KHDRBS2: variants seen among roughly 807,000 people sequenced by gnomAD.
KHDRBS2 encodes KH RNA binding domain containing, signal transduction associated 2.
Under a neutral mutation model 44.3 loss-of-function variants are expected in KHDRBS2, and 26 were observed. The observed-to-expected ratio is 0.59, with a 90% confidence interval of 0.43 to 0.81. The LOEUF (loss-of-function observed/expected upper bound fraction) is 0.81. KHDRBS2 is among the 40% of genes least tolerant of loss of function. The pLI is 0.00. For synonymous variants in KHDRBS2, 194 were observed against 151.1 expected, an observed-to-expected ratio of 1.28 and a Z score of -2.08; for missense variants, 476 against 433.1, an observed-to-expected ratio of 1.10 and a Z score of -0.88.
At chr6:61,728,500 G>C (rs1213607943) in intron 7 of KHDRBS2, among the ~76,000 whole-genome samples, 1 of 152,042 alleles carries the variant, frequency 6.6e-6, no homozygotes, top group East Asian at 1.9e-4. Flanking sequence ...TCACATATTT[G>C]TTTAGAGTTA....
the KHDRBS2 span, among the ~76,000 whole-genome samples, chr6:61,632,063 C>G: frequency 1.3e-5 from 2 of 152,102 alleles, no homozygotes; most frequent in African/African-American, 2.4e-5. Context: ...CACTTACATG[C>G]CCTTTATCCT....
At chr6:62,033,465 G>C (rs1298305492) in intron 3 of KHDRBS2, among the ~76,000 whole-genome samples, 1 of 151,822 alleles carries the variant, frequency 6.6e-6, no homozygotes, top group Non-Finnish European at 1.5e-5. Context: ...AAAGCAGCAA[G>C]ATAAAAGAAA....
At chr6:61,989,242 C>T (rs1158861791) in intron 3 of KHDRBS2, among the ~76,000 whole-genome samples, 1 of 152,114 alleles carries the variant, frequency 6.6e-6, no homozygotes, top group Non-Finnish European at 1.5e-5. Context: ...CCCAAGGGCT[C>T]AGGAAACCAT....
intron 6 of KHDRBS2, among the ~76,000 whole-genome samples, chr6:61,758,206 G>T (rs1408445397): frequency 6.6e-6 from 1 of 152,094 alleles, no homozygotes. Flanking sequence ...TATCTTATTT[G>T]TTTCCTGTCT....
chr6:62,073,662 C>A (rs1438390444), intron 2 of KHDRBS2, among the ~76,000 whole-genome samples: 1 of 149,752 alleles, frequency 6.7e-6, no homozygotes, highest in Admixed American at 6.7e-5. Context: ...GATGTGAGAA[C>A]TTCCTTCTTT....
the KHDRBS2 span, among the ~76,000 whole-genome samples, chr6:61,556,470 C>T: frequency 2.0e-5 from 3 of 152,146 alleles, no homozygotes; most frequent in Non-Finnish European, 4.4e-5. Flanking sequence ...CATTCATTGG[C>T]AAAGACATTC....
chr6:62,036,720 A>G (rs749896595), intron 3 of KHDRBS2, among the ~76,000 whole-genome samples: 2 of 151,998 alleles, frequency 1.3e-5, no homozygotes, highest in African/African-American at 4.8e-5. Flanking sequence ...CTTCATGTTT[A>G]TGTTTTGGGG....
At position 62,176,759 on chromosome 6, in the gene KHDRBS2, C is replaced by T. The variant is rs1296176288; in HGVS notation, c.219+426G>A. ...TTATAATCTAAGAGTCTAATAACCA[C>T]CATGTGACTTTCTTAGATATATTAG... On this transcript the variant is annotated intron_variant, in intron 2 of 8. Transcript: ENST00000281156. Among the ~76,000 whole-genome samples the T allele has an allele frequency of 5.3e-5, 8 of 151,150 alleles. 1 individual carries two copies. The highest frequency in any genetic ancestry group is 1.5e-4 in the African/African-American group (6 of 41,342).
chr6:61,908,743 C>T (rs886065705), intron 4 of KHDRBS2, among the ~76,000 whole-genome samples: 11 of 151,892 alleles, frequency 7.2e-5, no homozygotes, highest in Non-Finnish European at 1.3e-4. Context: ...TAGGCCTACC[C>T]GTATTATGAA....
rs576993429 is a variant in KHDRBS2 at position 62,060,634 on chromosome 6, T to C, written c.220-12640A>G. 2.9e-5 allele frequency among the ~76,000 whole-genome samples: 4 copies of C among 136,542 alleles called. No individual in the cohort carries two copies. In the East Asian group the frequency reaches 6.1e-4, roughly 21 times the overall value. 89.6% of individuals were successfully genotyped at this position (136,542 alleles called of 152,430 possible). On this transcript the variant is annotated intron_variant, in intron 2 of 8. Coordinates refer to ENST00000281156, the MANE Select transcript of KHDRBS2 (RefSeq NM_152688.4). ...GTCTCTCTCTCTCTCTCTCTCTCTC[T>C]ATATATATATATATGAACTAAAACA...
In KHDRBS2 at chr6:61,848,481, A is replaced by ACG. The variant is rs1204542294; in HGVS notation, c.810+46153_810+46154insCG. 2.1e-3 allele frequency among the ~76,000 whole-genome samples: 109 copies of ACG among 52,124 alleles called. 4 individuals carry two copies. Among genetic ancestry groups the ACG allele is most frequent in the African/African-American group, 0.012 (96 of 7,808 alleles). The allele number at this position is 52,124 out of a possible 152,430, so 34.2% of individuals were successfully genotyped here. On this transcript the variant is annotated intron_variant, in intron 6 of 8. Transcript: ENST00000281156. ...AGAAATGGAGGTTTTATATATATAT[A>ACG]TATATATATGTATATATATATATAT...
intron 2 of KHDRBS2, among the ~76,000 whole-genome samples, chr6:62,156,417 C>A (rs545637452): frequency 6.6e-6 from 1 of 152,000 alleles, no homozygotes; most frequent in South Asian, 2.1e-4. Flanking sequence ...TTAGATTGAA[C>A]TAAAAGCAAG....
intron 4 of KHDRBS2, among the ~76,000 whole-genome samples, chr6:61,973,331 C>T (rs1185740337): frequency 6.6e-6 from 1 of 152,040 alleles, no homozygotes; most frequent in Non-Finnish European, 1.5e-5. Context: ...ACTTACTTAC[C>T]AGTATGATTG....
At chr6:61,877,159 T>C (rs1799535481) in intron 6 of KHDRBS2, among the ~76,000 whole-genome samples, 1 of 152,072 alleles carries the variant, frequency 6.6e-6, no homozygotes. Flanking sequence ...ATCTGGCCTT[T>C]TATTTATAGG....
the KHDRBS2 span, among the ~76,000 whole-genome samples, chr6:61,655,920 C>G: frequency 6.6e-6 from 1 of 152,136 alleles, no homozygotes; most frequent in Middle Eastern, 3.4e-3. Flanking sequence ...TTGATAAACG[C>G]CATTGCCTCA....
At chr6:61,645,387 TA>T in the KHDRBS2 span, among the ~76,000 whole-genome samples, 3 of 151,458 alleles carry the variant, frequency 2.0e-5, no homozygotes, top group African/African-American at 7.3e-5. Context: ...CTGAGTGATT[TA>T]AAAAAAATCT....
the KHDRBS2 span, among the ~76,000 whole-genome samples, chr6:61,664,014 A>C: frequency 0.36 from 54,421 of 151,644 alleles, 10,498 homozygotes; most frequent in East Asian, 0.49. Flanking sequence ...GAAAATCAAA[A>C]CAGGGTTAAA....
In KHDRBS2 at chr6:61,845,273, C is replaced by T. The variant is rs1302513724; in HGVS notation, c.810+49362G>A. The stretch of plus-strand genomic sequence containing the variant: ...TCAGTGATAGCAGAGGTCCTCACTA[C>T]CCAGTTCTGATTCAAAATGAGGGAT... On this transcript the variant is annotated intron_variant, in intron 6 of 8. Transcript: ENST00000281156. Among the ~76,000 whole-genome samples, 5 of 151,738 alleles carry T rather than the reference C, an allele frequency of 3.3e-5. No individual in the cohort carries two copies. The South Asian group carries it at 6.2e-4, about 19-fold the overall frequency.
chr6:61,545,846 A>C, the KHDRBS2 span, among the ~76,000 whole-genome samples: 1 of 152,040 alleles, frequency 6.6e-6, no homozygotes, highest in Admixed American at 6.6e-5. Context: ...GAGCTCTCTC[A>C]TGAGTGCCTG....
Sources: allele counts gnomAD v4.1 joint callset (sites outside exome capture counted in the v4.1 genomes callset), GRCh38; gene constraint gnomAD v4.1.1; transcripts MANE v1.5; gene names NCBI Gene and HGNC (gene_info 2026-07-23, HGNC 2026-07-21).